BIRC6: variants seen among roughly 807,000 people sequenced by gnomAD.
BIRC6 encodes the protein baculoviral IAP repeat containing 6.
BIRC6 carries 98 observed loss-of-function variants against 503.3 expected under a neutral mutation model. The observed-to-expected ratio is 0.19, with a 90% CI of 0.17 to 0.23. BIRC6 has a LOEUF of 0.23. Ranked by LOEUF, BIRC6 falls within the 10% of genes least tolerant of loss-of-function variation. The pLI, the probability that BIRC6 is intolerant of heterozygous loss-of-function variation, is 1.00. For synonymous variants in BIRC6, 2,240 were observed against 2,078.7 expected (o/e 1.08, Z -2.11); for missense variants, 5,360 against 5,806.0 (o/e 0.92, Z 2.50).
chr2:32,505,817 A>G (rs938215383), intron 50 of BIRC6, among the ~76,000 whole-genome samples: 1 of 152,128 alleles, frequency 6.6e-6, no homozygotes, highest in African/African-American at 2.4e-5. Context: ...TAAGAGCGTG[A>G]ACTCTTTCAA....
intron 42 of BIRC6, 133 bp from the exon 43 acceptor site, chr2:32,489,908 C>T: frequency 3.3e-6 from 2 of 613,878 alleles, no homozygotes; most frequent in Non-Finnish European, 2.9e-6. Flanking sequence ...CTTTTATTTG[C>T]ATGTTTTGAA....
chr2:32,453,319 A>G (rs1259932641), intron 22 of BIRC6, among the ~76,000 whole-genome samples: 1 of 152,182 alleles, frequency 6.6e-6, no homozygotes, highest in Non-Finnish European at 1.5e-5. Flanking sequence ...ACAAGAAACA[A>G]TGTGTAGATA....
At chr2:32,577,952 C>T (rs779527929) in intron 66 of BIRC6, among the ~76,000 whole-genome samples, 1 of 152,140 alleles carries the variant, frequency 6.6e-6, no homozygotes, top group Non-Finnish European at 1.5e-5. Flanking sequence ...TCGTAAAGCT[C>T]ATTTCATTAG....
At chr2:32,416,764 T>G (rs1050011281) in intron 10 of BIRC6, among the ~76,000 whole-genome samples, 16 of 150,640 alleles carry the variant, frequency 1.1e-4, no homozygotes, top group Non-Finnish European at 2.4e-4. Flanking sequence ...TTCTCCTTTC[T>G]TTTCCTTTTC....
chr2:32,471,052 C>T lies in BIRC6; in HGVS notation c.6520C>T (p.Leu2174=). 1 of 1,581,784 alleles carries T rather than the reference C, an allele frequency of 6.3e-7. No individual in the cohort carries two copies. Among genetic ancestry groups the T allele is most frequent in the South Asian group, 1.2e-5 (1 of 86,336 alleles). Residue 2174 remains leucine, a synonymous_variant, in exon 32 of 74, where the codon CTG becomes TTG. Transcript: ENST00000421745. ...DIPMISWVVM[L]VSRLLDYVAT... ...TCCCATGATCAGTTGGGTTGTTATGCTGGTGTCCAGGTTGCTGGATTATGT... is the reference window on the plus strand; with the variant it reads ...TCCCATGATCAGTTGGGTTGTTATGTTGGTGTCCAGGTTGCTGGATTATGT...
At chr2:32,612,589 A>T (rs1388225252) in intron 73 of BIRC6, among the ~76,000 whole-genome samples, 2 of 152,230 alleles carry the variant, frequency 1.3e-5, no homozygotes, top group Non-Finnish European at 2.9e-5. Flanking sequence ...ATTTTTAAAA[A>T]GATCCCTATC....
chr2:32,547,129 A>T (rs887799284), intron 63 of BIRC6, among the ~76,000 whole-genome samples: 2 of 152,224 alleles, frequency 1.3e-5, no homozygotes, highest in Admixed American at 6.5e-5. Flanking sequence ...TATAAAATGT[A>T]TATAAACATG....
chr2:32,572,386 TC>T (rs1407570978), intron 65 of BIRC6, among the ~76,000 whole-genome samples: 1 of 152,236 alleles, frequency 6.6e-6, no homozygotes, highest in East Asian at 1.9e-4. Context: ...TACTGGTAGA[TC>T]ATTTCCAGCT....
chr2:32,505,033 C>G lies in BIRC6; in HGVS notation c.9528C>G (p.Ala3176=). The change falls in exon 50 of 74, where the codon GCC becomes GCG. Residue 3176 remains alanine (A), a synonymous_variant. Coordinates refer to ENST00000421745, the MANE Select transcript of BIRC6 (RefSeq NM_016252.4). The part of the protein sequence containing the change: ...LGTITSSSPT[A]QPAEVLLQAT... Reference sequence around the variant, plus strand: ...CAATCACATCTAGCAGTCCTACTGCCCAACCAGCTGAAGTGCTATTGCAGG... The same window carrying G: ...CAATCACATCTAGCAGTCCTACTGCGCAACCAGCTGAAGTGCTATTGCAGG... The G allele has an allele frequency of 6.2e-7, 1 of 1,613,712 alleles. No homozygotes were observed. The highest frequency in any genetic ancestry group is 8.5e-7 in the Non-Finnish European group (1 of 1,179,782).
Position 32,607,581 on chromosome 2 carries a change from C to A in BIRC6, c.14197C>A (p.Gln4733Lys), listed in dbSNP as rs1369266057. The A allele has an allele frequency of 6.2e-7, 1 of 1,613,822 alleles. No homozygotes were observed. The change falls in exon 72 of 74, where the codon CAA (glutamine) becomes AAA (lysine). Residue 4733 changes from glutamine (Q) to lysine (K), a missense_variant. Around this residue, in one of 16 missense-constraint regions of BIRC6, gnomAD observed 40 missense variants for 53.4 expected, o/e 0.75. Transcript: ENST00000421745. ...TCGAGAATATGATGGAAACATTCGA[C>A]AAGCAACAGTTAAGTGGGCAATGCT... Reference protein sequence around the residue: ...SSREYDGNIRQATVKWAMLEQ... With the variant: ...SSREYDGNIRKATVKWAMLEQ...
rs531501553 is a variant in BIRC6, at chr2:32,382,909, A to G, written c.645+2619A>G. ...TGGCTACTTTTTGCATTTTTAATAGACATGGGGTTTCACTATGTTGGTCAG... is the reference window on the plus strand; with the variant it reads ...TGGCTACTTTTTGCATTTTTAATAGGCATGGGGTTTCACTATGTTGGTCAG... On this transcript the variant is annotated intron_variant, in intron 3 of 73. Transcript: ENST00000421745. Among the ~76,000 whole-genome samples the G allele has an allele frequency of 2.2e-3, 337 of 151,744 alleles. 2 individuals are homozygous for G. Among genetic ancestry groups the G allele is most frequent in the African/African-American group, 7.9e-3 (325 of 41,338 alleles).
Position 32,515,456 on chromosome 2 carries a change from A to G in BIRC6, c.11035A>G (p.Thr3679Ala). Residue 3679 changes from threonine (T) to alanine (A), a missense_variant, in exon 55 of 74, where the codon ACA becomes GCA. Thr to Ala is a moderately conservative substitution (Grantham distance 58). Transcript: ENST00000421745. Reference protein sequence around the residue: ...VPQQCNKMPITADLVAPILRF... With the variant: ...VPQQCNKMPIAADLVAPILRF... ...ACAACAATGTAATAAGATGCCTATCACAGCCGACCTAGTTGCTCCTATTCT... is the reference window on the plus strand; with the variant it reads ...ACAACAATGTAATAAGATGCCTATCGCAGCCGACCTAGTTGCTCCTATTCT... 1.9e-6 allele frequency: 3 copies of G among 1,613,454 alleles called. No homozygotes were observed. Among genetic ancestry groups the G allele is most frequent in the Non-Finnish European group, 2.5e-6 (3 of 1,179,868 alleles).
chr2:32,609,421 C>G (rs560963852), intron 72 of BIRC6, among the ~76,000 whole-genome samples: 1 of 151,942 alleles, frequency 6.6e-6, no homozygotes, highest in Admixed American at 6.6e-5. Flanking sequence ...GTGATTGTGT[C>G]CAGAAACATT....
chr2:32,397,574 CTGTG>C (rs147651911), intron 6 of BIRC6, among the ~76,000 whole-genome samples: 249 of 137,938 alleles, frequency 1.8e-3, no homozygotes, highest in Middle Eastern at 3.6e-3. Flanking sequence ...CCCGTAAAGG[CTGTG>C]TGTGTGTGTG....
Position 32,531,513 on chromosome 2 carries a change from G to A in BIRC6, c.12253G>A (p.Glu4085Lys). 1 of 1,613,402 alleles carries A rather than the reference G, an allele frequency of 6.2e-7. No individual in the cohort carries two copies. The highest frequency in any genetic ancestry group is 8.5e-7 in the Non-Finnish European group (1 of 1,179,616). The change falls in exon 61 of 74, where the codon GAA (glutamate) becomes AAA (lysine). Residue 4085 changes from glutamate (E) to lysine (K), a missense_variant. By Grantham distance (56) the Glu-to-Lys change is moderately conservative. This residue lies in a region of BIRC6 where 878 missense variants were observed against 928.9 expected (regional missense o/e 0.95). Coordinates refer to ENST00000421745, the MANE Select transcript of BIRC6 (RefSeq NM_016252.4). Reference protein sequence around the residue: ...AGMGGLALIAERLPMLYPEVI... With the variant: ...AGMGGLALIAKRLPMLYPEVI... Reference sequence around the variant, plus strand: ...AATGGGTGGACTGGCTCTTATTGCTGAAAGACTACCCATGCTATATCCAGA... The same window carrying A: ...AATGGGTGGACTGGCTCTTATTGCTAAAAGACTACCCATGCTATATCCAGA...
rs745777599 is a variant in BIRC6 at position 32,388,938 on chromosome 2, A to T, written c.834A>T (p.Val278=). 3 of 1,578,986 alleles carry T rather than the reference A, an allele frequency of 1.9e-6. No individual in the cohort carries two copies. The highest frequency in any genetic ancestry group is 1.7e-4 in the Middle Eastern group (1 of 5,960). ...PELGVGPGRS[V]DRSLMYSEAN... Reference sequence around the variant, plus strand: ...TCGGAGTGGGGCCAGGCCGTTCTGTAGACAGGTATGAACCTTGCTAACAAA... The same window carrying T: ...TCGGAGTGGGGCCAGGCCGTTCTGTTGACAGGTATGAACCTTGCTAACAAA... The change falls in exon 4 of 74, where the codon GTA becomes GTT. Residue 278 remains valine (V), a synonymous_variant. Coordinates refer to ENST00000421745, the MANE Select transcript of BIRC6 (RefSeq NM_016252.4).
chr2:32,454,651 G>A (rs1378159694), intron 23 of BIRC6, among the ~76,000 whole-genome samples: 2 of 152,154 alleles, frequency 1.3e-5, no homozygotes, highest in Non-Finnish European at 2.9e-5. Flanking sequence ...ATGGTTTTGT[G>A]TCATTGGGTA....
chr2:32,410,948 C>T (rs1042916147), intron 9 of BIRC6, among the ~76,000 whole-genome samples: 6 of 152,190 alleles, frequency 3.9e-5, no homozygotes, highest in African/African-American at 1.4e-4. Flanking sequence ...GATCCACCCT[C>T]CTCGGCCTCC....
At chr2:32,411,690 C>T (rs1291397015) in intron 9 of BIRC6, among the ~76,000 whole-genome samples, 2 of 151,868 alleles carry the variant, frequency 1.3e-5, no homozygotes, top group South Asian at 4.1e-4. Flanking sequence ...GTTGGAGAGG[C>T]TGTTCTCAAA....
Sources: allele counts gnomAD v4.1 joint callset (sites outside exome capture counted in the v4.1 genomes callset), GRCh38; gene constraint gnomAD v4.1.1; regional missense constraint gnomAD v4.1.1; transcripts MANE v1.5; gene names NCBI Gene and HGNC (gene_info 2026-07-23, HGNC 2026-07-21).